GABPB2: variants seen among roughly 807,000 people sequenced by gnomAD.
GABPB2 encodes GA-binding protein subunit beta-2.
A neutral mutation model predicts 39.1 loss-of-function variants in GABPB2; 23 were observed. The ratio of observed to expected loss-of-function variants is 0.59; its 90% CI spans 0.42 to 0.83. GABPB2 has a LOEUF of 0.83. Ranked by LOEUF, GABPB2 falls within the 40% of genes least tolerant of loss-of-function variation. The probability of loss-of-function intolerance (pLI) is 0.00; values close to 1 mark genes in which losing one functional copy is unlikely to be tolerated. For missense variants in GABPB2, 467 were observed against 541.1 expected, an observed-to-expected ratio of 0.86 and a Z score of 1.36; for synonymous variants, 184 against 199.3, an observed-to-expected ratio of 0.92 and a Z score of 0.65.
rs1005659909 is a variant in GABPB2 at position 151,118,157 on chromosome 1, C to T, written c.1248C>T (p.Val416=). The change falls in exon 9 of 9, where the codon GTC becomes GTT. Residue 416 remains valine, a synonymous_variant. Coordinates refer to ENST00000368918, the MANE Select transcript of GABPB2 (RefSeq NM_144618.3). ...EEVAEVDAVV[V]TEGELEERET... ...TGGCTGAGGTAGATGCTGTAGTAGT[C>T]ACAGAGGGGGAGTTGGAAGAGAGAG... is the stretch of plus-strand genomic sequence containing the variant. 4 of 1,614,054 alleles carry T rather than the reference C, an allele frequency of 2.5e-6. No individual in the cohort carries two copies. The highest frequency in any genetic ancestry group is 2.5e-6 in the Non-Finnish European group (3 of 1,179,996).
chr1:151,084,076 T>A lies in GABPB2; in HGVS notation c.1-4114T>A, dbSNP rs587597569. On this transcript the variant is annotated intron_variant, in intron 1 of 8. Coordinates refer to ENST00000368918, the MANE Select transcript of GABPB2 (RefSeq NM_144618.3). ...TATATATATAAAAAAATATATATAT[T>A]TTTTTAATGTGGAAATGGGGCCTTA... Among the ~76,000 whole-genome samples, 512 of 150,582 alleles carry A rather than the reference T, an allele frequency of 3.4e-3. 2 individuals carry two copies. The highest frequency in any genetic ancestry group is 8.6e-3 in the South Asian group (41 of 4,784).
At chr1:151,105,434 A>G (rs1679886343) in intron 6 of GABPB2, among the ~76,000 whole-genome samples, 4 of 148,604 alleles carry the variant, frequency 2.7e-5, no homozygotes, top group African/African-American at 7.3e-5. Flanking sequence ...AAATATATAT[A>G]TCAAATATAT....
chr1:151,088,556 G>A, intron 2 of GABPB2: 2 of 811,144 alleles, frequency 2.5e-6, no homozygotes, highest in Non-Finnish European at 3.6e-6. Flanking sequence ...GTTTTTTAGA[G>A]TATTTTCTAA....
In GABPB2 at chr1:151,118,253, T is replaced by G. The variant is rs946979164; in HGVS notation, c.1344T>G (p.Ser448=). ...GAGTTTCCATGGCAACTGTTTCATC[T>G]TAATATGCAAGGGCCACAATTTGCA... The part of the protein sequence containing the change: ...HTRVSMATVS[S] The change falls in exon 9 of 9, where the codon TCT becomes TCG. Residue 448 remains serine, a synonymous_variant. Coordinates refer to ENST00000368918, the MANE Select transcript of GABPB2 (RefSeq NM_144618.3). The G allele has an allele frequency of 6.2e-7, 1 of 1,611,198 alleles. No homozygotes were observed. Among genetic ancestry groups the G allele is most frequent in the Non-Finnish European group, 8.5e-7 (1 of 1,177,960 alleles).
rs1163096185 is a variant in GABPB2 at position 151,124,528 on chromosome 1, C to T, written c.*6272C>T. ...TGTGGCTCTCTCCTATCATTACAGACCTCCAGAGCTGGAAAATTTGATGCA... is the reference window on the plus strand; with the variant it reads ...TGTGGCTCTCTCCTATCATTACAGATCTCCAGAGCTGGAAAATTTGATGCA... On this transcript the variant is annotated 3_prime_UTR_variant, in exon 9 of 9. Coordinates refer to ENST00000368918, the MANE Select transcript of GABPB2 (RefSeq NM_144618.3). 2.0e-5 allele frequency: 3 copies of T among 151,354 alleles called. No individual in the cohort carries two copies. Among genetic ancestry groups the T allele is most frequent in the Non-Finnish European group, 4.4e-5 (3 of 67,886 alleles). 9.4% of individuals were successfully genotyped at this position (151,354 alleles called of 1,614,324 possible).
intron 1 of GABPB2, among the ~76,000 whole-genome samples, chr1:151,084,966 G>A (rs990458460): frequency 1.7e-4 from 26 of 152,060 alleles, no homozygotes; most frequent in African/African-American, 6.3e-4. Flanking sequence ...TGGGCATGGT[G>A]CCACTTGCCT....
At chr1:151,094,346 C>A (rs587641837) in intron 4 of GABPB2, among the ~76,000 whole-genome samples, 1 of 150,820 alleles carries the variant, frequency 6.6e-6, no homozygotes, top group Non-Finnish European at 1.5e-5. Context: ...GCCACTGTGC[C>A]GGCTGTGTCC....
chr1:151,076,865 C>T (rs1281436466), intron 1 of GABPB2, among the ~76,000 whole-genome samples: 2 of 146,180 alleles, frequency 1.4e-5, no homozygotes, highest in African/African-American at 5.1e-5. Flanking sequence ...GCAATCTCGG[C>T]TCACTGCAAG....
At chr1:151,095,198 G>A (rs587758512) in intron 4 of GABPB2, among the ~76,000 whole-genome samples, 2 of 152,112 alleles carry the variant, frequency 1.3e-5, no homozygotes, top group African/African-American at 4.8e-5. Flanking sequence ...CTATATTCTA[G>A]CCTAGAAAAA....
intron 1 of GABPB2, among the ~76,000 whole-genome samples, chr1:151,071,675 T>G (rs1426132052): frequency 1.3e-5 from 2 of 152,182 alleles, no homozygotes; most frequent in Non-Finnish European, 2.9e-5. Context: ...TTTCACCATG[T>G]TAGCCAGGCT....
At chr1:151,117,563 A>T in intron 8 of GABPB2, 47 bp downstream of exon 8, 1 of 1,596,002 alleles carries the variant, frequency 6.3e-7, no homozygotes, top group Non-Finnish European at 8.6e-7. Context: ...CTTAATTATT[A>T]AGGCCTGAAC....
chr1:151,085,171 G>T (rs889326400), intron 1 of GABPB2, among the ~76,000 whole-genome samples: 1 of 151,716 alleles, frequency 6.6e-6, no homozygotes, highest in African/African-American at 2.4e-5. Flanking sequence ...GCCGAGGCAG[G>T]CAGATCATCT....
chr1:151,117,666 C>A, intron 8 of GABPB2, 150 bp downstream of exon 8: 2 of 847,006 alleles, frequency 2.4e-6, no homozygotes, highest in South Asian at 1.9e-5. Flanking sequence ...TCACTGCAAC[C>A]TCCGCCTCCC....
chr1:151,076,488 G>A (rs11810447), intron 1 of GABPB2, among the ~76,000 whole-genome samples: 16,504 of 152,094 alleles, frequency 0.11, 1,048 homozygotes, highest in Non-Finnish European at 0.14. Context: ...GGAGTGCAGT[G>A]GCACAATCTT....
Position 151,107,217 on chromosome 1 carries a change from A to G in GABPB2, c.917A>G (p.Gln306Arg). The G allele has an allele frequency of 1.3e-6, 2 of 1,573,998 alleles. No homozygotes were observed. Among genetic ancestry groups the G allele is most frequent in the Non-Finnish European group, 1.7e-6 (2 of 1,162,384 alleles). The change falls in exon 7 of 9, where the codon CAG (glutamine) becomes CGG (arginine). Residue 306 changes from glutamine to arginine, a missense_variant. Physicochemically the swap from Gln to Arg is conservative, Grantham distance 43. Transcript: ENST00000368918. ...QPFIVTVQDG[Q>R]QVLTVPAGKV... ...TTTATTGTAACTGTGCAAGATGGAC[A>G]GCAAGGTGAGTTATCTCTTGTAGAC...
intron 6 of GABPB2, among the ~76,000 whole-genome samples, chr1:151,105,818 G>C (rs1164366774): frequency 6.6e-6 from 1 of 151,512 alleles, no homozygotes; most frequent in Non-Finnish European, 1.5e-5. Flanking sequence ...TATTATTCTT[G>C]ATTTATCAGA....
intron 5 of GABPB2, among the ~76,000 whole-genome samples, chr1:151,098,249 C>G (rs587705636): frequency 6.6e-6 from 1 of 152,242 alleles, no homozygotes; most frequent in East Asian, 1.9e-4. Context: ...CACAGTGGCT[C>G]ATATCTGTAA....
chr1:151,104,811 T>TTTCTTTCC lies in GABPB2; in HGVS notation c.736+1139_736+1140insTTTCCTTC, dbSNP rs1177567681. Among the ~76,000 whole-genome samples, 124 of 150,434 alleles carry TTTCTTTCC rather than the reference T, an allele frequency of 8.2e-4. 2 individuals are homozygous for TTTCTTTCC. The highest frequency in any genetic ancestry group is 3.6e-3 in the South Asian group (17 of 4,718). ...TTTCTTTCTTTCTTTCTTTTCTTTCTTTCCTTTCTTTCTTTCTTTCTCTTC... is the reference window on the plus strand; with the variant it reads ...TTTCTTTCTTTCTTTCTTTTCTTTCTTTCTTTCCTTCCTTTCTTTCTTTCTTTCTCTTC... On this transcript the variant is annotated intron_variant, in intron 6 of 8. Transcript: ENST00000368918.
chr1:151,097,776 CAAAAA>C, intron 4 of GABPB2, 71 bp from the exon 5 acceptor site: 2 of 1,223,196 alleles, frequency 1.6e-6, no homozygotes, highest in Non-Finnish European at 1.1e-6. Flanking sequence ...GAGACTGTCT[CAAAAA>C]AAAAAAAAAG....
Sources: allele counts gnomAD v4.1 joint callset (sites outside exome capture counted in the v4.1 genomes callset), GRCh38; gene constraint gnomAD v4.1.1; transcripts MANE v1.5; gene names NCBI Gene and HGNC (gene_info 2026-07-23, HGNC 2026-07-21).